Variants in DPY19L2 observed in about 807,000 individuals in gnomAD.
DPY19L2 encodes the protein dpy-19 like 2, also known as probable C-mannosyltransferase DPY19L2.
In DPY19L2, 34 loss-of-function variants were observed where a neutral mutation model predicts 97.9. That is an observed-to-expected ratio of 0.35 (90% CI 0.26 to 0.46). The LOEUF is 0.46. Ranked by LOEUF, DPY19L2 falls within the 20% of genes least tolerant of loss-of-function variation. DPY19L2 has a pLI of 1.00. For missense variants in DPY19L2, 623 were observed against 911.4 expected (o/e 0.68, Z 4.07); for synonymous variants, 230 against 307.9 (o/e 0.75, Z 2.65).
intron 9 of DPY19L2, chr12:63,620,236 G>C (rs1281662022): frequency 3.6e-6 from 1 of 279,572 alleles, no homozygotes; most frequent in African/African-American, 2.3e-5. Flanking sequence ...TTAGAAACAG[G>C]ATATGGGCTC....
intron 16 of DPY19L2, among the ~76,000 whole-genome samples, chr12:63,586,987 A>T (rs1298747289): frequency 1.3e-5 from 2 of 152,162 alleles, no homozygotes; most frequent in Non-Finnish European, 2.9e-5. Flanking sequence ...AAATTCACCA[A>T]TTAGAAAACG....
intron 16 of DPY19L2, chr12:63,590,903 CAT>C (rs1278622421): frequency 2.8e-6 from 1 of 351,100 alleles, no homozygotes; most frequent in Non-Finnish European, 5.9e-6. Context: ...CATAGACTTC[CAT>C]ATTCTGAGTA....
intron 18 of DPY19L2, among the ~76,000 whole-genome samples, chr12:63,581,829 C>T (rs1258706635): frequency 6.8e-6 from 1 of 147,678 alleles, no homozygotes; most frequent in African/African-American, 2.5e-5. Flanking sequence ...GAGACAGAGT[C>T]TCACTCTGTC....
chr12:63,639,006 A>AT (rs1892235321), intron 6 of DPY19L2, among the ~76,000 whole-genome samples: 1 of 152,148 alleles, frequency 6.6e-6, no homozygotes, highest in Non-Finnish European at 1.5e-5. Context: ...CAAAACTGAG[A>AT]TATAGATCAA....
At chr12:63,570,931 A>C in intron 19 of DPY19L2, 74 bp from the exon 20 acceptor site, 2 of 1,462,026 alleles carry the variant, frequency 1.4e-6, no homozygotes, top group Non-Finnish European at 1.8e-6. Flanking sequence ...TACCTCTAAT[A>C]TGTGAACCCA....
intron 10 of DPY19L2, 42 bp from the exon 11 acceptor site, chr12:63,617,432 T>C: frequency 2.2e-6 from 3 of 1,384,786 alleles, no homozygotes; most frequent in Non-Finnish European, 3.0e-6. Flanking sequence ...TTATTACATA[T>C]ATTGGCATAA....
rs753909113 is a variant in DPY19L2 at position 63,560,568 on chromosome 12, G to C, written c.2221C>G (p.Pro741Ala). The change falls in exon 22 of 22, where the codon CCT becomes GCT. Residue 741 changes from proline (P) to alanine (A), a missense_variant. Pro to Ala is a conservative substitution (Grantham distance 27). Transcript: ENST00000324472. ...LCSVLLEDAR[P>A]YFTTVFQNSV... ...TTCTGAAATACTGTGGTGAAGTAAG[G>C]CCTGGCGTCTTCGAGCAGGACGCTA... The C allele has an allele frequency of 6.2e-7, 1 of 1,613,982 alleles. No individual in the cohort carries two copies. Among genetic ancestry groups the C allele is most frequent in the Non-Finnish European group, 8.5e-7 (1 of 1,179,914 alleles).
At chr12:63,665,997 T>G (rs1896291403) in intron 1 of DPY19L2, 138 bp from the exon 2 acceptor site, 5 of 839,308 alleles carry the variant, frequency 6.0e-6, no homozygotes, top group African/African-American at 5.2e-5. Context: ...ATCCTGTCTC[T>G]AAGAGCATAG....
At chr12:63,583,550 T>A (rs556725303) in intron 17 of DPY19L2, among the ~76,000 whole-genome samples, 1 of 152,312 alleles carries the variant, frequency 6.6e-6, no homozygotes, top group East Asian at 1.9e-4. Context: ...GGCTAGAAAC[T>A]GAATGCTTGT....
At chr12:63,593,912 A>G (rs1883639869) in intron 16 of DPY19L2, among the ~76,000 whole-genome samples, 175 bp downstream of exon 16, 2 of 152,278 alleles carry the variant, frequency 1.3e-5, no homozygotes, top group Admixed American at 6.5e-5. Flanking sequence ...GTCCAAATAC[A>G]TATAAGAAAT....
rs1457809711 is a variant in DPY19L2, at chr12:63,560,546, T to C, written c.2243A>G (p.Gln748Arg). ...CTTTAATACTCTGTACACACTATTCTGAAATACTGTGGTGAAGTAAGGCCT... is the reference window on the plus strand; with the variant it reads ...CTTTAATACTCTGTACACACTATTCCGAAATACTGTGGTGAAGTAAGGCCT... ...DARPYFTTVFQNSVYRVLKVN is the reference protein window; with the variant it reads ...DARPYFTTVFRNSVYRVLKVN The change falls in exon 22 of 22, where the codon CAG becomes CGG. Residue 748 changes from glutamine to arginine, a missense_variant. Gln to Arg is a conservative substitution (Grantham distance 43). Coordinates refer to ENST00000324472, the MANE Select transcript of DPY19L2 (RefSeq NM_173812.5). 6.2e-6 allele frequency: 10 copies of C among 1,614,036 alleles called. No homozygotes were observed. Among genetic ancestry groups the C allele is most frequent in the Non-Finnish European group, 8.5e-6 (10 of 1,179,918 alleles).
rs139739171 is a variant in DPY19L2, at chr12:63,640,061, T to C, written c.803+4342A>G. On this transcript the variant is annotated intron_variant, in intron 6 of 21. Transcript: ENST00000324472. Reference sequence around the variant, plus strand: ...TTCACATCCTTGGTAGGGACATGGATGAAGCTGGAAACCATCATTCTGAGC... The same window carrying C: ...TTCACATCCTTGGTAGGGACATGGACGAAGCTGGAAACCATCATTCTGAGC... Among the ~76,000 whole-genome samples, 3 of 152,284 alleles carry C rather than the reference T, an allele frequency of 2.0e-5. No individual in the cohort carries two copies. The East Asian group carries it at 5.8e-4, about 29-fold the overall frequency.
chr12:63,629,660 G>A (rs1387918877), intron 6 of DPY19L2, among the ~76,000 whole-genome samples: 3 of 152,278 alleles, frequency 2.0e-5, no homozygotes, highest in African/African-American at 7.2e-5. Context: ...TTATCCAGGA[G>A]AACTTCCCCA....
intron 19 of DPY19L2, among the ~76,000 whole-genome samples, 155 bp from the exon 20 acceptor site, chr12:63,571,012 T>C (rs1878737699): frequency 6.6e-6 from 1 of 152,178 alleles, no homozygotes. Flanking sequence ...AGTTATTCAT[T>C]ATCTACTACA....
At chr12:63,652,403 C>T (rs1040586793) in intron 4 of DPY19L2, among the ~76,000 whole-genome samples, 12 of 152,102 alleles carry the variant, frequency 7.9e-5, no homozygotes, top group African/African-American at 2.9e-4. Flanking sequence ...ACCATTTGAC[C>T]CAGCAACCCC....
intron 21 of DPY19L2, among the ~76,000 whole-genome samples, chr12:63,564,707 G>C (rs542930020): frequency 6.6e-6 from 1 of 152,144 alleles, no homozygotes; most frequent in Admixed American, 6.5e-5. Context: ...TGCTGTTCTA[G>C]GGTGGTATGT....
chr12:63,572,685 T>C (rs896085173), intron 19 of DPY19L2, among the ~76,000 whole-genome samples: 1 of 151,936 alleles, frequency 6.6e-6, no homozygotes, highest in Non-Finnish European at 1.5e-5. Flanking sequence ...GCCACAGAGA[T>C]GCTTATATCA....
chr12:63,635,329 G>A (rs1307990599), intron 6 of DPY19L2, among the ~76,000 whole-genome samples: 3 of 152,092 alleles, frequency 2.0e-5, no homozygotes, highest in African/African-American at 7.2e-5. Flanking sequence ...CAAAGATGGG[G>A]AGAAACCAGA....
chr12:63,628,376 C>G (rs544244241), intron 6 of DPY19L2, among the ~76,000 whole-genome samples: 3 of 152,120 alleles, frequency 2.0e-5, no homozygotes, highest in Admixed American at 2.0e-4. Flanking sequence ...CCTAACAGTG[C>G]GCTTTTCCAA....
Sources: gnomAD v4.1 joint callset for allele counts (sites outside exome capture counted in the v4.1 genomes callset) on GRCh38, gnomAD v4.1.1 for gene constraint, MANE v1.5 for transcripts, NCBI Gene and HGNC (gene_info 2026-07-23, HGNC 2026-07-21) for gene names.